SH2B3: variants seen among roughly 807,000 people sequenced by gnomAD.
The protein encoded by SH2B3 is SH2B adapter protein 3.
SH2B3 carries 43 observed loss-of-function variants against 51.9 expected under a neutral mutation model. That is an observed-to-expected ratio of 0.83 (90% CI 0.65 to 1.07). The LOEUF is 1.07. SH2B3 is among the 50% of genes least tolerant of loss of function. The pLI, the probability that SH2B3 is intolerant of heterozygous loss-of-function variation, is 0.00. For missense variants in SH2B3, 952 were observed against 834.3 expected (o/e 1.14, Z -1.74); for synonymous variants, 396 against 376.0 (o/e 1.05, Z -0.62).
intron 2 of SH2B3, among the ~76,000 whole-genome samples, chr12:111,428,510 G>A (rs111901255): frequency 1.3e-5 from 2 of 152,224 alleles, no homozygotes; most frequent in African/African-American, 2.4e-5. Flanking sequence ...GGCAGGCTAC[G>A]GTAAGCACTG....
At position 111,447,179 on chromosome 12, in the gene SH2B3, G is replaced by T; in HGVS notation, c.981G>T (p.Thr327=). The change falls in exon 5 of 8, where the codon ACG becomes ACT. Residue 327 remains threonine, a synonymous_variant. Coordinates refer to ENST00000341259, the MANE Select transcript of SH2B3 (RefSeq NM_005475.3). ...TTCCCTCAGCCCTAGAGCCTAGCAC[G>T]TCCAGCTCCCCAAGGGGCAGCACAG... ...MHIPSALEPS[T]SSSPRGSTDS... The T allele has an allele frequency of 6.2e-7, 1 of 1,613,986 alleles. No individual in the cohort carries two copies. The highest frequency in any genetic ancestry group is 8.5e-7 in the Non-Finnish European group (1 of 1,179,876).
At chr12:111,428,639 A>T (rs1872199325) in intron 2 of SH2B3, among the ~76,000 whole-genome samples, 1 of 152,098 alleles carries the variant, frequency 6.6e-6, no homozygotes, top group Non-Finnish European at 1.5e-5. Flanking sequence ...AGTCCCCCCA[A>T]GAGATAGCAC....
intron 1 of SH2B3, among the ~76,000 whole-genome samples, chr12:111,413,034 T>C (rs1319023420): frequency 6.6e-6 from 1 of 152,196 alleles, no homozygotes; most frequent in Non-Finnish European, 1.5e-5. Flanking sequence ...TAAGCATTCA[T>C]TGGGAAGTGA....
In SH2B3 at chr12:111,449,464, C is replaced by T. The variant is rs912050186; in HGVS notation, c.*1162C>T. On this transcript the variant is annotated 3_prime_UTR_variant, in exon 8 of 8. Transcript: ENST00000341259. Reference sequence around the variant, plus strand: ...GCCCACAATCAGTGTTCTGTTCTAGCTGGCTACTGCTTCACTGGATTGAGA... The same window carrying T: ...GCCCACAATCAGTGTTCTGTTCTAGTTGGCTACTGCTTCACTGGATTGAGA... 6.6e-6 allele frequency: 1 copy of T among 152,206 alleles called. No individual in the cohort carries two copies. The highest frequency in any genetic ancestry group is 2.1e-4 in the South Asian group (1 of 4,834). The allele number at this position is 152,206 out of a possible 1,614,324, so 9.4% of individuals were successfully genotyped here.
intron 2 of SH2B3, among the ~76,000 whole-genome samples, chr12:111,421,148 ATTATTT>A (rs1467297004): frequency 6.6e-6 from 1 of 151,862 alleles, no homozygotes; most frequent in African/African-American, 2.4e-5. Flanking sequence ...GTTTTATTTT[ATTATTT>A]TATTTTGAGA....
intron 2 of SH2B3, 37 bp from the exon 3 acceptor site, chr12:111,446,716 A>G: frequency 1.7e-6 from 2 of 1,197,928 alleles, no homozygotes; most frequent in Non-Finnish European, 2.3e-6. Context: ...AAAGAGCATC[A>G]GGAACAAGCC....
At position 111,406,561 on chromosome 12, in the gene SH2B3, C is replaced by T. The variant is rs774919314; in HGVS notation, c.-28+284C>T. 1.3e-5 allele frequency among the ~76,000 whole-genome samples: 2 copies of T among 152,298 alleles called. No individual in the cohort carries two copies. The highest frequency in any genetic ancestry group is 4.1e-4 in the South Asian group (2 of 4,830). ...GGCATCGCTGACGCCCCCAGCCCAC[C>T]CTACGGTAGCCTCGCCGGTTGGGGG... On this transcript the variant is annotated intron_variant, in intron 1 of 7. Transcript: ENST00000341259. The surrounding 1 kb of genome is among the most constrained non-coding windows in gnomAD (Gnocchi z 5.7).
In SH2B3 at chr12:111,430,578, T is replaced by C. The variant is rs190329069; in HGVS notation, c.732+11701T>C. ...CCATTGTGGGGTCAGGGCTGTGGGCTTGGAGGTTCAGGGTCAGGGTCCAGG... is the reference window on the plus strand; with the variant it reads ...CCATTGTGGGGTCAGGGCTGTGGGCCTGGAGGTTCAGGGTCAGGGTCCAGG... On this transcript the variant is annotated intron_variant, in intron 2 of 7. Coordinates refer to ENST00000341259, the MANE Select transcript of SH2B3 (RefSeq NM_005475.3). Among the ~76,000 whole-genome samples, 4 of 152,156 alleles carry C rather than the reference T, an allele frequency of 2.6e-5. No individual in the cohort carries two copies. In the East Asian group the frequency reaches 7.7e-4, roughly 29 times the overall value.
intron 1 of SH2B3, among the ~76,000 whole-genome samples, chr12:111,415,835 T>C (rs1486221324): frequency 6.6e-6 from 1 of 152,156 alleles, no homozygotes. Context: ...TTGGCCAGGC[T>C]GGTTTCGAAT....
chr12:111,449,493 T>TATCTA lies in SH2B3; in HGVS notation c.*1192_*1196dup, dbSNP rs1874384112. Reference sequence around the variant, plus strand: ...CTACTGCTTCACTGGATTGAGAATCTATCTATCTCCTTGCACACATGGGCA... The same window carrying TATCTA: ...CTACTGCTTCACTGGATTGAGAATCTATCTAATCTATCTCCTTGCACACATGGGCA... On this transcript the variant is annotated 3_prime_UTR_variant, in exon 8 of 8. Transcript: ENST00000341259. 2 of 152,234 alleles carry TATCTA rather than the reference T, an allele frequency of 1.3e-5. No homozygotes were observed. The highest frequency in any genetic ancestry group is 2.9e-5 in the Non-Finnish European group (2 of 68,062). The allele number at this position is 152,234 out of a possible 1,614,324, so 9.4% of individuals were successfully genotyped here.
intron 2 of SH2B3, among the ~76,000 whole-genome samples, chr12:111,419,772 G>A (rs866658235): frequency 4.6e-5 from 7 of 152,200 alleles, no homozygotes; most frequent in Non-Finnish European, 1.0e-4. Flanking sequence ...GAACCAGCAC[G>A]GGTACATCAC....
At chr12:111,416,795 G>A (rs767671889) in intron 1 of SH2B3, among the ~76,000 whole-genome samples, 8 of 152,150 alleles carry the variant, frequency 5.3e-5, no homozygotes, top group South Asian at 2.1e-4. Flanking sequence ...CGCGTGGCTG[G>A]TGCTGGGATT....
intron 2 of SH2B3, among the ~76,000 whole-genome samples, chr12:111,445,307 T>G (rs762448619): frequency 4.7e-4 from 71 of 152,260 alleles, no homozygotes; most frequent in Non-Finnish European, 7.9e-4. Context: ...AAGTGGCCAC[T>G]CGCACCTTAC....
rs1872548616 is a variant in SH2B3, at chr12:111,432,218, AT to A, written c.732+13346del. ...AGGCATGTGCCACCACGCCCGGCTA[AT>A]TTTTGTATTTTTAGTAGAGACGGGG... is the stretch of plus-strand genomic sequence containing the variant. On this transcript the variant is annotated intron_variant, in intron 2 of 7. Coordinates refer to ENST00000341259, the MANE Select transcript of SH2B3 (RefSeq NM_005475.3). Among the ~76,000 whole-genome samples, 6 of 151,166 alleles carry A rather than the reference AT, an allele frequency of 4.0e-5. No homozygotes were observed. In the South Asian group the frequency reaches 1.3e-3, roughly 31 times the overall value.
At chr12:111,432,929 C>T (rs569718284) in intron 2 of SH2B3, among the ~76,000 whole-genome samples, 1 of 152,212 alleles carries the variant, frequency 6.6e-6, no homozygotes, top group Non-Finnish European at 1.5e-5. Context: ...AGGTTATCTC[C>T]ACTTTCTGGC....
chr12:111,421,055 T>G (rs1457204674), intron 2 of SH2B3, among the ~76,000 whole-genome samples: 1 of 152,190 alleles, frequency 6.6e-6, no homozygotes, highest in African/African-American at 2.4e-5. Context: ...TGTACCCCCA[T>G]ACATACCACC....
In SH2B3 at chr12:111,407,437, G is replaced by A. The variant is rs935743026; in HGVS notation, c.-28+1160G>A. Among the ~76,000 whole-genome samples the A allele has an allele frequency of 2.0e-5, 3 of 152,262 alleles. No homozygotes were observed. The highest frequency in any genetic ancestry group is 7.2e-5 in the African/African-American group (3 of 41,476). On this transcript the variant is annotated intron_variant, in intron 1 of 7. Transcript: ENST00000341259. The surrounding 1 kb of genome is among the most constrained non-coding windows in gnomAD (Gnocchi z 4.3). ...AGGCCTCAGGGCCCCTGCCAGGGCA[G>A]TGGGCCTGTGGGTCTCCAGGGATGC...
upstream of SH2B3, among the ~76,000 whole-genome samples, chr12:111,405,606 C>T (rs1038642254): frequency 2.0e-5 from 3 of 152,176 alleles, no homozygotes; most frequent in Admixed American, 6.5e-5. This position sits in a 1 kb window ranked among gnomAD's most constrained non-coding sequence, Gnocchi z 5.4. Flanking sequence ...GCTAAAGTCG[C>T]CCCGCCCCTC....
rs1874439007 is a variant in SH2B3, at chr12:111,450,052, T to C, written c.*1750T>C. The C allele has an allele frequency of 6.6e-6, 1 of 152,112 alleles. No homozygotes were observed. The highest frequency in any genetic ancestry group is 2.4e-5 in the African/African-American group (1 of 41,400). 9.4% of individuals were successfully genotyped at this position (152,112 alleles called of 1,614,324 possible). Reference sequence around the variant, plus strand: ...AGCGATTCTGCCTCGACCTCTCAAGTAGCTGGGATTACAAGCACCAGCCAC... The same window carrying C: ...AGCGATTCTGCCTCGACCTCTCAAGCAGCTGGGATTACAAGCACCAGCCAC... On this transcript the variant is annotated 3_prime_UTR_variant, in exon 8 of 8. Transcript: ENST00000341259.
Sources: allele counts gnomAD v4.1 joint callset (sites outside exome capture counted in the v4.1 genomes callset), GRCh38; gene constraint gnomAD v4.1.1; non-coding constraint Gnocchi (gnomAD v3.1); transcripts MANE v1.5; gene names NCBI Gene and HGNC (gene_info 2026-07-23, HGNC 2026-07-21).